HDAC9: variants seen among roughly 807,000 people sequenced by gnomAD.
HDAC9 encodes histone deacetylase 9.
A neutral mutation model predicts 139.4 loss-of-function variants in HDAC9; 41 were observed. That is an observed-to-expected ratio of 0.29 (90% CI 0.23 to 0.38). The LOEUF is 0.38. HDAC9 is among the 10% of genes least tolerant of loss of function. The probability of loss-of-function intolerance (pLI) is 1.00; values close to 1 mark genes in which losing one functional copy is unlikely to be tolerated. For missense variants in HDAC9, 1,147 were observed against 1,297.0 expected, an observed-to-expected ratio of 0.88 and a Z score of 1.78; for synonymous variants, 517 against 476.2, an observed-to-expected ratio of 1.09 and a Z score of -1.12.
At chr7:18,901,653 T>G (rs1216094076) in intron 22 of HDAC9, among the ~76,000 whole-genome samples, 1 of 152,198 alleles carries the variant, frequency 6.6e-6, no homozygotes, top group Non-Finnish European at 1.5e-5. Flanking sequence ...TTTTACCACA[T>G]ATAAATATGG....
chr7:18,133,403 A>G (rs1216575746), intron 1 of HDAC9, among the ~76,000 whole-genome samples: 1 of 152,144 alleles, frequency 6.6e-6, no homozygotes. Context: ...ATGTGAGAAG[A>G]CTTGTCAAAT....
rs556591849 is a variant in HDAC9, at chr7:18,578,289, C to G, written c.23-6992C>G. On this transcript the variant is annotated intron_variant, in intron 2 of 25. Transcript: ENST00000686413. The stretch of plus-strand genomic sequence containing the variant: ...ACAATGACATCGAAGGTGTTTTGGC[C>G]TGCTATTCGTAACGACCCCTTCACA... 5.8e-6 allele frequency: 3 copies of G among 513,196 alleles called. No homozygotes were observed. The Admixed American group carries it at 5.9e-5, about 10-fold the overall frequency. 31.8% of individuals were successfully genotyped at this position (513,196 alleles called of 1,614,324 possible).
intron 14 of HDAC9, among the ~76,000 whole-genome samples, chr7:18,753,467 T>C (rs1788618571): frequency 6.6e-6 from 1 of 152,108 alleles, no homozygotes; most frequent in African/African-American, 2.4e-5. Flanking sequence ...TTATTGGGGT[T>C]ACTATTTGAC....
At chr7:18,438,029 A>G (rs1791376873) in intron 1 of HDAC9, among the ~76,000 whole-genome samples, 1 of 150,586 alleles carries the variant, frequency 6.6e-6, no homozygotes, top group African/African-American at 2.4e-5. Flanking sequence ...GGACATCTTT[A>G]TAACATGTAT....
At chr7:18,218,635 C>G (rs549533105) in intron 2 of HDAC9, among the ~76,000 whole-genome samples, 1 of 152,050 alleles carries the variant, frequency 6.6e-6, no homozygotes, top group East Asian at 1.9e-4. Flanking sequence ...ATAGAAGTTA[C>G]GCTTAGGTCC....
intron 2 of HDAC9, among the ~76,000 whole-genome samples, chr7:18,546,671 TG>T (rs1814949468): frequency 6.6e-6 from 1 of 152,126 alleles, no homozygotes; most frequent in African/African-American, 2.4e-5. Flanking sequence ...AGTGATGGGG[TG>T]GTATTTTCCC....
At chr7:18,563,725 A>ACC (rs71014390) in intron 2 of HDAC9, among the ~76,000 whole-genome samples, 140 of 148,292 alleles carry the variant, frequency 9.4e-4, no homozygotes, top group Middle Eastern at 3.5e-3. Flanking sequence ...GAACCACCCA[A>ACC]CCCCCCCCAT....
intron 1 of HDAC9, among the ~76,000 whole-genome samples, chr7:18,127,729 A>G (rs1434484010): frequency 1.3e-5 from 2 of 152,160 alleles, no homozygotes; most frequent in Non-Finnish European, 2.9e-5. Flanking sequence ...TGTGCAAAGA[A>G]AAAGAAGAGC....
At chr7:18,993,038 G>T (rs1786117131) in intron 25 of HDAC9, among the ~76,000 whole-genome samples, 1 of 147,844 alleles carries the variant, frequency 6.8e-6, no homozygotes, top group South Asian at 2.1e-4. Context: ...TCAGAGCACT[G>T]CTTCTCATTC....
chr7:18,154,826 G>T (rs1787057035), intron 1 of HDAC9, among the ~76,000 whole-genome samples: 1 of 152,160 alleles, frequency 6.6e-6, no homozygotes, highest in Admixed American at 6.5e-5. Context: ...TTTGTGTTTG[G>T]CTAGCTGATC....
intron 22 of HDAC9, among the ~76,000 whole-genome samples, chr7:18,887,371 T>C (rs1450845673): frequency 6.6e-6 from 1 of 152,184 alleles, no homozygotes; most frequent in Non-Finnish European, 1.5e-5. Flanking sequence ...GGGCTAGTGA[T>C]TGAAAAAAAG....
intron 2 of HDAC9, among the ~76,000 whole-genome samples, chr7:18,500,245 A>T (rs995797671): frequency 3.9e-5 from 6 of 152,202 alleles, no homozygotes; most frequent in African/African-American, 1.4e-4. Flanking sequence ...GAATTCAAAA[A>T]ATATTCTAAA....
At chr7:18,545,441 TTAGGACGTAAA>T (rs1420256680) in intron 2 of HDAC9, among the ~76,000 whole-genome samples, 2 of 152,154 alleles carry the variant, frequency 1.3e-5, no homozygotes, top group Non-Finnish European at 2.9e-5. Context: ...TGTTGAGTTT[TTAGGACGTAAA>T]TAGTTATTAA....
chr7:18,720,733 G>A (rs576294998), intron 12 of HDAC9, among the ~76,000 whole-genome samples: 1 of 150,970 alleles, frequency 6.6e-6, no homozygotes, highest in East Asian at 1.9e-4. Flanking sequence ...TCAGGCTGGA[G>A]TCCAGTGGCC....
In HDAC9 at chr7:18,446,397, G is replaced by T. The variant is rs546074509; in HGVS notation, c.-41-49865G>T. Among the ~76,000 whole-genome samples the T allele has an allele frequency of 7.2e-5, 11 of 152,314 alleles. No individual in the cohort carries two copies. The South Asian group carries it at 2.1e-3, about 29-fold the overall frequency. ...GGGGGTGGGTTTAAAAGAAGAAAGT[G>T]TTGAGCATAGATTTGACAGGACTTG... On this transcript the variant is annotated intron_variant, in intron 1 of 3. Transcript: ENST00000413509.
chr7:18,164,415 T>TC (rs1317752552), intron 2 of HDAC9, among the ~76,000 whole-genome samples: 1 of 152,226 alleles, frequency 6.6e-6, no homozygotes, highest in Non-Finnish European at 1.5e-5. Flanking sequence ...ACATCTTTTT[T>TC]CCCCACTATC....
chr7:18,473,766 G>A (rs145763270), intron 1 of HDAC9, among the ~76,000 whole-genome samples: 97 of 152,244 alleles, frequency 6.4e-4, no homozygotes, highest in African/African-American at 1.6e-3. Context: ...TATGTTTTCC[G>A]TAAAGCTTCA....
At chr7:18,110,793 CG>C (rs894163882) in intron 1 of HDAC9, among the ~76,000 whole-genome samples, 9 of 151,978 alleles carry the variant, frequency 5.9e-5, no homozygotes, top group African/African-American at 1.7e-4. Context: ...GTCCAGCCAA[CG>C]GGGAGTCTAA....
In HDAC9 at chr7:18,191,010, A is replaced by G. The variant is rs534048816; in HGVS notation, c.25+28661A>G. On this transcript the variant is annotated intron_variant, in intron 2 of 12. Transcript: ENST00000417496. ...AATTTTTTAGAATCACAGGGATCAA[A>G]CTATAGTTGACTTTTGAACAACACA... Among the ~76,000 whole-genome samples, 59 of 152,308 alleles carry G rather than the reference A, an allele frequency of 3.9e-4. No individual in the cohort carries two copies. The South Asian group carries it at 7.3e-3, about 19-fold the overall frequency.
Sources: allele counts gnomAD v4.1 joint callset (sites outside exome capture counted in the v4.1 genomes callset), GRCh38; gene constraint gnomAD v4.1.1; transcripts MANE v1.5; gene names NCBI Gene and HGNC (gene_info 2026-07-23, HGNC 2026-07-21).